Variants in ZNF33A observed in about 807,000 individuals in gnomAD.
ZNF33A encodes zinc finger protein 33A, also known as brain my041 protein.
ZNF33A carries 9 observed loss-of-function variants against 15.9 expected under a neutral mutation model. That is an observed-to-expected ratio of 0.57 (90% CI 0.34 to 0.99). ZNF33A has a LOEUF of 0.99. ZNF33A is among the 50% of genes least tolerant of loss of function. ZNF33A has a pLI of 0.02. For missense variants in ZNF33A, 843 were observed against 941.6 expected (o/e 0.90, Z 1.37); for synonymous variants, 294 against 324.2 (o/e 0.91, Z 1.00).
At chr10:38,064,122 C>G (rs751081154), downstream of ZNF33A, 7 of 1,595,952 alleles carry the variant, frequency 4.4e-6, no homozygotes, top group East Asian at 9.0e-5. Flanking sequence ...GATTAAACCC[C>G]TGCAGTGCTG....
chr10:38,050,282 A>G (rs748835595), intron 4 of ZNF33A, among the ~76,000 whole-genome samples: 1 of 152,216 alleles, frequency 6.6e-6, no homozygotes, highest in Non-Finnish European at 1.5e-5. Context: ...GGTGTATAAC[A>G]TGGTTATTAA....
At chr10:38,052,321 G>T (rs2066245410) in intron 4 of ZNF33A, among the ~76,000 whole-genome samples, 1 of 152,050 alleles carries the variant, frequency 6.6e-6, no homozygotes, top group Admixed American at 6.6e-5. Context: ...CTATATATTA[G>T]CAATGATCAA....
In ZNF33A at chr10:38,016,974, G is replaced by A; in HGVS notation, c.113G>A (p.Arg38Lys). 6.2e-7 allele frequency: 1 copy of A among 1,611,478 alleles called. No individual in the cohort carries two copies. Among genetic ancestry groups the A allele is most frequent in the Non-Finnish European group, 8.5e-7 (1 of 1,178,986 alleles). ...HLDPSQRALY[R>K]DVMLENYSNL... ...GACCCTAGTCAGAGGGCTCTGTATA[G>A]AGATGTGATGCTGGAGAACTACAGC... The change falls in exon 3 of 5, where the codon AGA (arginine) becomes AAA (lysine). Residue 38 changes from arginine (R) to lysine (K), a missense_variant. Transcript: ENST00000432900.
intron 2 of ZNF33A, chr10:38,016,060 G>T: frequency 8.2e-7 from 1 of 1,220,474 alleles, no homozygotes; most frequent in Non-Finnish European, 1.0e-6. Flanking sequence ...CAAATATAAT[G>T]GTTCCAAAAT....
At chr10:38,034,529 A>G (rs1419842491) in intron 4 of ZNF33A, among the ~76,000 whole-genome samples, 2 of 152,224 alleles carry the variant, frequency 1.3e-5, no homozygotes, top group African/African-American at 4.8e-5. Flanking sequence ...TCAAGCATGC[A>G]TACTGTCACC....
intron 4 of ZNF33A, among the ~76,000 whole-genome samples, chr10:38,047,069 A>G (rs903610435): frequency 6.6e-6 from 1 of 150,792 alleles, no homozygotes; most frequent in African/African-American, 2.4e-5. Context: ...GGTCCTAGCT[A>G]CTTGGGAGGC....
chr10:38,055,222 C>A lies in ZNF33A; in HGVS notation c.1098C>A (p.Phe366Leu). 1 of 1,614,116 alleles carries A rather than the reference C, an allele frequency of 6.2e-7. No individual in the cohort carries two copies. Among genetic ancestry groups the A allele is most frequent in the Non-Finnish European group, 8.5e-7 (1 of 1,179,990 alleles). The change falls in exon 5 of 5, where the codon TTC becomes TTA. Residue 366 changes from phenylalanine to leucine, a missense_variant. Transcript: ENST00000432900. Reference protein sequence around the residue: ...PFQCNECEKAFWDKSNLTKHQ... With the variant: ...PFQCNECEKALWDKSNLTKHQ... Reference sequence around the variant, plus strand: ...AATGTAATGAATGTGAAAAAGCTTTCTGGGATAAGTCAAACCTCACTAAAC... The same window carrying A: ...AATGTAATGAATGTGAAAAAGCTTTATGGGATAAGTCAAACCTCACTAAAC...
At chr10:38,027,243 T>C (rs1325485932) in intron 4 of ZNF33A, among the ~76,000 whole-genome samples, 1 of 152,162 alleles carries the variant, frequency 6.6e-6, no homozygotes, top group African/African-American at 2.4e-5. Flanking sequence ...CCAGGATAAA[T>C]TAGTCCTCTT....
chr10:38,010,522 C>A (rs544536788), upstream of ZNF33A: 305 of 663,134 alleles, frequency 4.6e-4, 2 homozygotes, highest in South Asian at 4.9e-3. Context: ...CAACTCAGAC[C>A]GCATCTGCCC....
At chr10:38,030,516 G>A (rs2065167350) in intron 4 of ZNF33A, among the ~76,000 whole-genome samples, 1 of 152,126 alleles carries the variant, frequency 6.6e-6, no homozygotes. Context: ...ACCCCATAGT[G>A]TTGGGGTGAA....
At chr10:38,064,546 T>G, downstream of ZNF33A, 8 of 156,804 alleles carry the variant, frequency 5.1e-5, no homozygotes, top group Non-Finnish European at 7.0e-5. Flanking sequence ...TTGAGCTCAA[T>G]ACCAAGAATC....
At chr10:38,015,361 G>T (rs2064401633) in intron 2 of ZNF33A, among the ~76,000 whole-genome samples, 1 of 151,998 alleles carries the variant, frequency 6.6e-6, no homozygotes, top group Non-Finnish European at 1.5e-5. Flanking sequence ...CTGGAGTGTA[G>T]TGGTGCTGAC....
chr10:38,046,047 T>C (rs1023355356), intron 4 of ZNF33A, among the ~76,000 whole-genome samples: 1 of 152,204 alleles, frequency 6.6e-6, no homozygotes, highest in African/African-American at 2.4e-5. Context: ...TAGGTGGGCA[T>C]TGTACTCCGC....
At chr10:38,039,058 A>G (rs1406102329) in intron 4 of ZNF33A, among the ~76,000 whole-genome samples, 5 of 152,084 alleles carry the variant, frequency 3.3e-5, no homozygotes, top group African/African-American at 1.2e-4. Context: ...TTTTGGTACC[A>G]GAGTAGTAGT....
At position 38,017,004 on chromosome 10, in the gene ZNF33A, T is replaced by A. The variant is rs2064480791; in HGVS notation, c.143T>A (p.Leu48His). 6.2e-7 allele frequency: 1 copy of A among 1,605,024 alleles called. No individual in the cohort carries two copies. The highest frequency in any genetic ancestry group is 1.3e-5 in the African/African-American group (1 of 74,440). Residue 48 changes from leucine (L) to histidine (H), a missense_variant, in exon 3 of 5, where the codon CTT becomes CAT. Physicochemically the swap from Leu to His is moderately conservative, Grantham distance 99 (BLOSUM62 -3). Coordinates refer to ENST00000432900, the MANE Select transcript of ZNF33A (RefSeq NM_006954.2). ...RDVMLENYSN[L>H]VSVGYCVHKP... ...GTGATGCTGGAGAACTACAGCAACC[T>A]TGTCTCAGTGGGTAAGGTCTGTTCA...
At chr10:38,032,680 G>C (rs1289829549) in intron 4 of ZNF33A, among the ~76,000 whole-genome samples, 1 of 151,990 alleles carries the variant, frequency 6.6e-6, no homozygotes, top group Non-Finnish European at 1.5e-5. Context: ...TCAAACTCCT[G>C]ACCTCAGGTT....
chr10:38,059,769 C>T lies in ZNF33A; in HGVS notation c.*3209C>T, dbSNP rs1001051798. 6.6e-6 allele frequency: 1 copy of T among 152,160 alleles called. No homozygotes were observed. Among genetic ancestry groups the T allele is most frequent in the African/African-American group, 2.4e-5 (1 of 41,424 alleles). The allele number at this position is 152,160 out of a possible 1,614,324, so 9.4% of individuals were successfully genotyped here. A position where few individuals can be genotyped will look rare whatever the true frequency, so the allele number is the denominator to read the frequency against. Reference sequence around the variant, plus strand: ...GGCAGTGAAAGTACTCTCTAGGGTACTGTAATTTGTCAAAACGCAGAGAAT... The same window carrying T: ...GGCAGTGAAAGTACTCTCTAGGGTATTGTAATTTGTCAAAACGCAGAGAAT... On this transcript the variant is annotated 3_prime_UTR_variant, in exon 5 of 5. Coordinates refer to ENST00000432900, the MANE Select transcript of ZNF33A (RefSeq NM_006954.2).
intron 4 of ZNF33A, among the ~76,000 whole-genome samples, chr10:38,026,289 T>C (rs2064984449): frequency 6.6e-6 from 1 of 151,586 alleles, no homozygotes; most frequent in Non-Finnish European, 1.5e-5. Context: ...TCTTTTAGCT[T>C]TTTGGGGTAC....
At chr10:38,011,040 A>G (rs961873965) in intron 1 of ZNF33A, among the ~76,000 whole-genome samples, 11 of 152,084 alleles carry the variant, frequency 7.2e-5, no homozygotes, top group African/African-American at 2.7e-4. Flanking sequence ...GCGCTTGCGC[A>G]GTCCGCGCGC....
Sources: allele counts gnomAD v4.1 joint callset (sites outside exome capture counted in the v4.1 genomes callset), GRCh38; gene constraint gnomAD v4.1.1; transcripts MANE v1.5; gene names NCBI Gene and HGNC (gene_info 2026-07-23, HGNC 2026-07-21).